Variants in TSHZ2 observed in about 807,000 individuals in gnomAD.
TSHZ2 encodes teashirt zinc finger homeobox 2.
A neutral mutation model predicts 74.4 loss-of-function variants in TSHZ2; 21 were observed. The observed-to-expected ratio is 0.28, with a 90% CI of 0.20 to 0.41. TSHZ2 has a LOEUF of 0.41. Ranked by LOEUF, TSHZ2 falls within the 10% of genes least tolerant of loss-of-function variation. The pLI is 1.00. For synonymous variants in TSHZ2, 540 were observed against 515.3 expected (o/e 1.05, Z -0.65); for missense variants, 1,244 against 1,293.5 (o/e 0.96, Z 0.59).
At chr20:52,981,208 G>A (rs1011893188) in intron 1 of TSHZ2, among the ~76,000 whole-genome samples, 2 of 152,192 alleles carry the variant, frequency 1.3e-5, no homozygotes, top group African/African-American at 4.8e-5. Flanking sequence ...CTTGGGTTCT[G>A]GTTGCAGCCT....
intron 2 of TSHZ2, among the ~76,000 whole-genome samples, chr20:53,297,248 CTTT>C (rs35627909): frequency 4.1e-5 from 5 of 121,130 alleles, no homozygotes; most frequent in Non-Finnish European, 3.3e-5. Flanking sequence ...ATCTCAGAAT[CTTT>C]TTTTTTTTTT....
rs1457010151 is a variant in TSHZ2 at position 53,475,292 on chromosome 20, A to G, written c.*9-11852A>G. Among the ~76,000 whole-genome samples the G allele has an allele frequency of 2.1e-4, 24 of 112,870 alleles. 1 individual carries two copies. In the South Asian group the frequency reaches 2.6e-3, roughly 12 times the overall value. 74.0% of individuals were successfully genotyped at this position (112,870 alleles called of 152,430 possible). A position where few individuals can be genotyped will look rare whatever the true frequency, so the allele number is the denominator to read the frequency against. On this transcript the variant is annotated intron_variant, in intron 2 of 2. Coordinates refer to ENST00000371497, the MANE Select transcript of TSHZ2 (RefSeq NM_173485.6). ...TCCTCAGCAAATGTAAAAGAACAGA[A>G]ATTATAACAAACTATCTCTCAGACC... is the stretch of plus-strand genomic sequence containing the variant.
At chr20:53,393,665 AAC>A (rs113428598) in intron 2 of TSHZ2, among the ~76,000 whole-genome samples, 5,957 of 148,434 alleles carry the variant, frequency 0.04, 343 homozygotes, top group African/African-American at 0.12. Context: ...TACACACGCA[AAC>A]ACACACACAC....
intron 1 of TSHZ2, among the ~76,000 whole-genome samples, chr20:53,252,181 T>C (rs1418783357): frequency 6.6e-6 from 1 of 152,256 alleles, no homozygotes; most frequent in African/African-American, 2.4e-5. Flanking sequence ...TTGCTGATTG[T>C]AGCTGCTTTA....
At chr20:53,342,950 C>CTT (rs1980269794) in intron 2 of TSHZ2, among the ~76,000 whole-genome samples, 1 of 78,888 alleles carries the variant, frequency 1.3e-5, no homozygotes, top group Non-Finnish European at 2.6e-5. Flanking sequence ...CTTTTCTTTT[C>CTT]TTTTCTTTTT....
chr20:53,301,975 T>C (rs764038540), intron 2 of TSHZ2, among the ~76,000 whole-genome samples: 2 of 152,100 alleles, frequency 1.3e-5, no homozygotes, highest in Non-Finnish European at 2.9e-5. Flanking sequence ...GGGGGGAAAA[T>C]CCACTAGTTG....
chr20:53,269,251 ATTTAC>A (rs1249372506), intron 2 of TSHZ2, among the ~76,000 whole-genome samples: 2 of 147,340 alleles, frequency 1.4e-5, no homozygotes, highest in Non-Finnish European at 3.0e-5. Context: ...AAACCCTTTC[ATTTAC>A]TTAAGGTTTA....
chr20:53,014,877 G>A (rs1568720219), intron 1 of TSHZ2, among the ~76,000 whole-genome samples: 1 of 152,106 alleles, frequency 6.6e-6, no homozygotes, highest in Admixed American at 6.6e-5. Context: ...GTTCGTTTGT[G>A]TGCAATGAAT....
chr20:53,089,929 C>A (rs1600684542), intron 1 of TSHZ2, among the ~76,000 whole-genome samples: 1 of 152,202 alleles, frequency 6.6e-6, no homozygotes, highest in Admixed American at 6.5e-5. Flanking sequence ...AATTGACTCA[C>A]AATTGCAAGG....
intron 1 of TSHZ2, among the ~76,000 whole-genome samples, chr20:53,146,398 T>C (rs1023107235): frequency 6.6e-6 from 1 of 152,050 alleles, no homozygotes; most frequent in South Asian, 2.1e-4. Context: ...CAGAGAGAGA[T>C]AACATGGAGC....
chr20:53,293,547 C>A (rs534407142), intron 2 of TSHZ2, among the ~76,000 whole-genome samples: 1 of 152,052 alleles, frequency 6.6e-6, no homozygotes, highest in Non-Finnish European at 1.5e-5. Context: ...AGAAGGCTGA[C>A]CAGTCTTGGA....
At chr20:53,429,426 C>T (rs758176598) in intron 2 of TSHZ2, among the ~76,000 whole-genome samples, 13 of 152,178 alleles carry the variant, frequency 8.5e-5, no homozygotes, top group East Asian at 1.9e-4. Context: ...ATCATGGGGG[C>T]GGGTCTTTCC....
At chr20:53,031,270 G>A (rs1047492451) in intron 1 of TSHZ2, among the ~76,000 whole-genome samples, 3 of 152,168 alleles carry the variant, frequency 2.0e-5, no homozygotes, top group African/African-American at 7.2e-5. Flanking sequence ...CATGTCTGGG[G>A]CCTGGAGGTC....
At chr20:53,358,301 C>CAA (rs1272451210) in intron 2 of TSHZ2, among the ~76,000 whole-genome samples, 1 of 82,910 alleles carries the variant, frequency 1.2e-5, no homozygotes, top group African/African-American at 5.0e-5. Context: ...TGAGACCAGG[C>CAA]AGAAAAAAAA....
At chr20:53,462,963 C>T (rs1376743804) in intron 2 of TSHZ2, among the ~76,000 whole-genome samples, 2 of 152,162 alleles carry the variant, frequency 1.3e-5, no homozygotes, top group Admixed American at 6.5e-5. Flanking sequence ...CCCCATCTCC[C>T]TTTTGTTGTG....
At chr20:53,003,716 G>A (rs924927593) in intron 1 of TSHZ2, among the ~76,000 whole-genome samples, 6 of 152,186 alleles carry the variant, frequency 3.9e-5, no homozygotes, top group Non-Finnish European at 8.8e-5. Context: ...TGACTGATCC[G>A]TTGTCTGTGC....
chr20:53,006,835 T>C (rs916380291), intron 1 of TSHZ2, among the ~76,000 whole-genome samples: 12 of 152,104 alleles, frequency 7.9e-5, no homozygotes, highest in African/African-American at 2.9e-4. Flanking sequence ...TGGGGTAGGG[T>C]GCTATGGTTT....
chr20:53,346,382 C>T (rs780745522), intron 2 of TSHZ2, among the ~76,000 whole-genome samples: 9 of 152,154 alleles, frequency 5.9e-5, no homozygotes, highest in Non-Finnish European at 1.3e-4. Context: ...AGGAAGGGAA[C>T]GGCCCTCGAA....
At chr20:53,203,730 G>A (rs577503945) in intron 1 of TSHZ2, among the ~76,000 whole-genome samples, 3 of 152,142 alleles carry the variant, frequency 2.0e-5, no homozygotes, top group Non-Finnish European at 4.4e-5. Flanking sequence ...ATTTTTATGC[G>A]AAATCTCCTG....
Sources: gnomAD v4.1 joint callset for allele counts (sites outside exome capture counted in the v4.1 genomes callset) on GRCh38, gnomAD v4.1.1 for gene constraint, MANE v1.5 for transcripts, NCBI Gene and HGNC (gene_info 2026-07-23, HGNC 2026-07-21) for gene names.